Variants in SBF2 observed in about 807,000 individuals in gnomAD.
SBF2 encodes myotubularin-related protein 13.
In SBF2, 112 loss-of-function variants were observed where a neutral mutation model predicts 225.2. That is an observed-to-expected ratio of 0.50 (90% CI 0.43 to 0.58). The LOEUF (loss-of-function observed/expected upper bound fraction) is 0.58. Ranked by LOEUF, SBF2 falls within the 20% of genes least tolerant of loss-of-function variation. The pLI is 0.00. For synonymous variants in SBF2, 763 were observed against 773.3 expected (o/e 0.99, Z 0.22); for missense variants, 1,996 against 2,206.2 (o/e 0.90, Z 1.91).
chr11:10,252,124 C>A (rs1960412178), intron 1 of SBF2, among the ~76,000 whole-genome samples: 1 of 152,232 alleles, frequency 6.6e-6, no homozygotes, highest in South Asian at 2.1e-4. Flanking sequence ...GATGTTCCAG[C>A]ATAAGGAGGT....
intron 2 of SBF2, among the ~76,000 whole-genome samples, chr11:10,074,999 G>A (rs906035981): frequency 6.6e-5 from 10 of 152,174 alleles, no homozygotes; most frequent in African/African-American, 2.4e-4. Context: ...ATTTAAAGCT[G>A]TCAAACAATG....
chr11:10,140,830 C>T (rs1954608741), intron 2 of SBF2, among the ~76,000 whole-genome samples: 1 of 150,892 alleles, frequency 6.6e-6, no homozygotes, highest in Admixed American at 6.7e-5. Context: ...TGTAATACAC[C>T]CAGTTGGTGT....
At chr11:9,895,823 G>A (rs1446192241) in intron 17 of SBF2, 120 bp downstream of exon 17, 18 of 757,622 alleles carry the variant, frequency 2.4e-5, no homozygotes, top group African/African-American at 6.9e-5. Context: ...AAATATAACC[G>A]CAGATATATC....
chr11:10,046,807 A>G (rs1390111041), intron 2 of SBF2, among the ~76,000 whole-genome samples: 1 of 149,008 alleles, frequency 6.7e-6, no homozygotes, highest in Non-Finnish European at 1.5e-5. Flanking sequence ...AAGTATATAT[A>G]TTGGGAGGAA....
chr11:9,789,009 G>A, intron 35 of SBF2, 100 bp downstream of exon 35: 1 of 985,466 alleles, frequency 1.0e-6, no homozygotes, highest in African/African-American at 1.6e-5. Context: ...CTAGCTCAGA[G>A]TAAGGAGAGC....
intron 36 of SBF2, among the ~76,000 whole-genome samples, chr11:9,785,655 A>G (rs139333243): frequency 0.017 from 2,573 of 152,224 alleles, 83 homozygotes; most frequent in African/African-American, 0.059. Context: ...TGAGTCCAGG[A>G]GTTCGAGACC....
chr11:9,833,494 C>CGG (rs1855528463), intron 26 of SBF2, among the ~76,000 whole-genome samples: 1 of 151,412 alleles, frequency 6.6e-6, no homozygotes, highest in African/African-American at 2.4e-5. Context: ...GATCTCGGCC[C>CGG]ATTGCAAGCT....
At position 10,238,341 on chromosome 11, in the gene SBF2, T is replaced by C. The variant is rs1330173144; in HGVS notation, c.56-44354A>G. On this transcript the variant is annotated intron_variant, in intron 1 of 39. Coordinates refer to ENST00000256190, the MANE Select transcript of SBF2 (RefSeq NM_030962.4). ...GGAGGACTGCCTGAGCCTGGGGTGG[T>C]TGAGGCTGTGGTGAGCCATGATTGT... Among the ~76,000 whole-genome samples the C allele has an allele frequency of 2.6e-5, 4 of 152,134 alleles. No individual in the cohort carries two copies. The South Asian group carries it at 6.2e-4, about 24-fold the overall frequency.
At chr11:9,934,427 A>G (rs1864731825) in intron 16 of SBF2, among the ~76,000 whole-genome samples, 1 of 152,230 alleles carries the variant, frequency 6.6e-6, no homozygotes, top group Non-Finnish European at 1.5e-5. Flanking sequence ...ATCAATAGAA[A>G]AAGAGGGAAT....
chr11:10,223,378 AAAC>A (rs1220824516), intron 1 of SBF2, among the ~76,000 whole-genome samples: 2 of 136,042 alleles, frequency 1.5e-5, no homozygotes, highest in South Asian at 2.4e-4. Flanking sequence ...CCTTACCAAT[AAAC>A]AACACATATT....
At chr11:10,024,836 A>G (rs552737850) in intron 6 of SBF2, among the ~76,000 whole-genome samples, 16 of 152,282 alleles carry the variant, frequency 1.1e-4, no homozygotes, top group African/African-American at 3.9e-4. Flanking sequence ...TTTCTTGACT[A>G]GAATCTGGAA....
intron 17 of SBF2, among the ~76,000 whole-genome samples, chr11:9,873,487 CA>C (rs1564940409): frequency 6.6e-6 from 1 of 152,048 alleles, no homozygotes; most frequent in African/African-American, 2.4e-5. Flanking sequence ...AAGCAGCAGC[CA>C]GGGGCTCAAG....
intron 2 of SBF2, among the ~76,000 whole-genome samples, chr11:10,068,311 T>A (rs555618361): frequency 4.6e-5 from 7 of 152,330 alleles, no homozygotes; most frequent in Admixed American, 4.6e-4. Context: ...TTTGGTCAGT[T>A]TGAGAAACAA....
intron 1 of SBF2, among the ~76,000 whole-genome samples, chr11:10,299,855 G>A (rs765026535): frequency 1.3e-5 from 2 of 152,142 alleles, no homozygotes; most frequent in African/African-American, 2.4e-5. Flanking sequence ...TTAAATAAAT[G>A]TATATCAGAT....
chr11:9,839,213 T>A, intron 26 of SBF2: 1 of 419,058 alleles, frequency 2.4e-6, no homozygotes, highest in South Asian at 2.2e-5. Context: ...TTCTTCAAGT[T>A]ATCTTTAGTC....
intron 2 of SBF2, among the ~76,000 whole-genome samples, chr11:10,186,894 A>C (rs560012353): frequency 2.2e-4 from 33 of 152,338 alleles, no homozygotes; most frequent in African/African-American, 7.9e-4. Flanking sequence ...TACCACAAAG[A>C]CCAAATTAAT....
chr11:9,849,496 TAGAAAC>T (rs1856775863), intron 22 of SBF2, among the ~76,000 whole-genome samples: 1 of 152,110 alleles, frequency 6.6e-6, no homozygotes, highest in South Asian at 2.1e-4. Flanking sequence ...TAGTAGAAAA[TAGAAAC>T]AGAAGTTATA....
intron 19 of SBF2, among the ~76,000 whole-genome samples, 156 bp from the exon 20 acceptor site, chr11:9,853,868 G>C (rs1000567151): frequency 4.6e-5 from 7 of 152,300 alleles, no homozygotes; most frequent in Middle Eastern, 6.8e-3. Context: ...GTAAGTGATG[G>C]TGATAAAACA....
chr11:9,792,730 T>C (rs1852830808), intron 33 of SBF2, among the ~76,000 whole-genome samples: 1 of 149,710 alleles, frequency 6.7e-6, no homozygotes, highest in Admixed American at 6.7e-5. Context: ...GGCAATGACA[T>C]TCTAGGATTC....
Sources: gnomAD v4.1 joint callset for allele counts (sites outside exome capture counted in the v4.1 genomes callset) on GRCh38, gnomAD v4.1.1 for gene constraint, MANE v1.5 for transcripts, NCBI Gene and HGNC (gene_info 2026-07-23, HGNC 2026-07-21) for gene names.